The following FGF3 variants were observed in gnomAD, a reference collection of about 807,000 sequenced individuals.
FGF3 encodes the protein fibroblast growth factor 3, also known as FGF-3.
A neutral mutation model predicts 9.8 loss-of-function variants in FGF3; 7 were observed. The observed-to-expected ratio is 0.72, with a 90% CI of 0.41 to 1.35. The LOEUF is 1.35. Among genes scored for constraint, FGF3 ranks in the 40% most tolerant of loss-of-function variants. The pLI, the probability that FGF3 is intolerant of heterozygous loss-of-function variation, is 0.01. For synonymous variants in FGF3, 173 were observed against 157.2 expected (o/e 1.10, Z -0.75); for missense variants, 390 against 345.6 (o/e 1.13, Z -1.02).
chr11:69,815,398 A>G (rs548548514), intron 2 of FGF3, among the ~76,000 whole-genome samples: 21 of 152,214 alleles, frequency 1.4e-4, no homozygotes, highest in African/African-American at 4.6e-4. Context: ...TAGCCTCTGG[A>G]CCAGAGAAAA....
chr11:69,810,886 T>C lies in FGF3; in HGVS notation c.325-186A>G, dbSNP rs376487834. On this transcript the variant is annotated intron_variant, in intron 2 of 2. Coordinates refer to ENST00000334134, the MANE Select transcript of FGF3 (RefSeq NM_005247.4). The stretch of plus-strand genomic sequence containing the variant: ...TCTGCCCAGCATGTCCTTCCTCCCC[T>C]GTGTGCCTGGTGAACTTGGCCTTCT... Among the ~76,000 whole-genome samples, 214 of 152,376 alleles carry C rather than the reference T, an allele frequency of 1.4e-3. 1 individual carries two copies. Among genetic ancestry groups the C allele is most frequent in the Non-Finnish European group, 6.5e-4 (44 of 68,038 alleles).
At chr11:69,815,791 C>T (rs531889755) in intron 2 of FGF3, among the ~76,000 whole-genome samples, 1 of 152,272 alleles carries the variant, frequency 6.6e-6, no homozygotes, top group African/African-American at 2.4e-5. Context: ...GACTGGGTCC[C>T]AAGCCAGGGC....
chr11:69,810,750 G>T (rs782010967), intron 2 of FGF3, 50 bp from the exon 3 acceptor site: 1 of 1,479,074 alleles, frequency 6.8e-7, no homozygotes, highest in Non-Finnish European at 9.0e-7. Context: ...CTGTGGCAGC[G>T]TCAGGGCCCA....
Position 69,818,695 on chromosome 11 carries a change from C to T in FGF3, c.220+19G>A, listed in dbSNP as rs1856185269. On this transcript the variant is annotated intron_variant, in intron 1 of 2. Transcript: ENST00000334134. ...CCCGGCGCCGCTTCCCCCGGGGCCC[C>T]GCAGCGTCCGGCACTCACTGTAGGC... The T allele has an allele frequency of 6.9e-7, 1 of 1,459,758 alleles. No homozygotes were observed. Among genetic ancestry groups the T allele is most frequent in the Non-Finnish European group, 9.0e-7 (1 of 1,110,300 alleles). The allele number at this position is 1,459,758 out of a possible 1,614,324, so 90.4% of individuals were successfully genotyped here.
At chr11:69,816,513 G>C in intron 1 of FGF3, 90 bp from the exon 2 acceptor site, 1 of 971,196 alleles carries the variant, frequency 1.0e-6, no homozygotes, top group South Asian at 1.3e-5. Context: ...CACACCCCGG[G>C]CTCAGGGCTG....
At chr11:69,813,943 G>T (rs201810338) in intron 2 of FGF3, among the ~76,000 whole-genome samples, 6 of 134,516 alleles carry the variant, frequency 4.5e-5, no homozygotes, top group Admixed American at 1.5e-4. Context: ...TGGGTTGATG[G>T]GTGGATGGGT....
chr11:69,818,619 C>A (rs1856183121), intron 1 of FGF3, 95 bp downstream of exon 1: 1 of 934,134 alleles, frequency 1.1e-6, no homozygotes, highest in Admixed American at 4.3e-5. Flanking sequence ...CTCCCCGGCG[C>A]CGCCTCCCCC....
intron 2 of FGF3, among the ~76,000 whole-genome samples, chr11:69,811,105 G>A (rs1856023410): frequency 6.6e-6 from 1 of 152,184 alleles, no homozygotes; most frequent in Admixed American, 6.5e-5. Context: ...GGTCAGCAAG[G>A]ACTGGGCATT....
In FGF3 at chr11:69,818,656, C is replaced by T. The variant is rs548231449; in HGVS notation, c.220+58G>A. 23 of 1,326,518 alleles carry T rather than the reference C, an allele frequency of 1.7e-5. No individual in the cohort carries two copies. The South Asian group carries it at 3.7e-4, about 21-fold the overall frequency. 82.2% of individuals were successfully genotyped at this position (1,326,518 alleles called of 1,614,324 possible). A position where few individuals can be genotyped will look rare whatever the true frequency, so the allele number is the denominator to read the frequency against. On this transcript the variant is annotated intron_variant, in intron 1 of 2. Coordinates refer to ENST00000334134, the MANE Select transcript of FGF3 (RefSeq NM_005247.4). ...CGGGGCCCCGCAGCGCGCCTTCTCC[C>T]GGGCCCGACCCCTCCCGGCGCCGCT...
rs781819367 is a variant in FGF3, at chr11:69,810,414, T to G, written c.611A>C (p.Lys204Thr). ...LQSGLPRPPG[K>T]GVQPRRRRQK... ...CCGCCGCCGTCGGGGCTGGACCCCC[T>G]TACCAGGGGGTCTGGGCAGCCCACT... The change falls in exon 3 of 3, where the codon AAG (lysine) becomes ACG (threonine). Residue 204 changes from lysine to threonine, a missense_variant. Physicochemically the swap from Lys to Thr is moderately conservative, Grantham distance 78. Transcript: ENST00000334134. The G allele has an allele frequency of 6.4e-7, 1 of 1,572,974 alleles. No homozygotes were observed. The highest frequency in any genetic ancestry group is 1.1e-5 in the South Asian group (1 of 87,388).
chr11:69,810,478 G>C lies in FGF3; in HGVS notation c.547C>G (p.Leu183Val). ...QKSSLFLPRVLDHRDHEMVRQ... is the reference protein window; with the variant it reads ...QKSSLFLPRVVDHRDHEMVRQ... ...ACCATCTCGTGGTCCCTGTGGTCCAGCACGCGGGGCAGGAACAGGGAGGAC... is the reference window on the plus strand; with the variant it reads ...ACCATCTCGTGGTCCCTGTGGTCCACCACGCGGGGCAGGAACAGGGAGGAC... The change falls in exon 3 of 3, where the codon CTG becomes GTG. Residue 183 changes from leucine (L) to valine (V), a missense_variant. By Grantham distance (32) the Leu-to-Val change is conservative. Coordinates refer to ENST00000334134, the MANE Select transcript of FGF3 (RefSeq NM_005247.4). The C allele has an allele frequency of 6.2e-7, 1 of 1,606,380 alleles. No homozygotes were observed. Among genetic ancestry groups the C allele is most frequent in the Non-Finnish European group, 8.5e-7 (1 of 1,176,916 alleles).
intron 2 of FGF3, among the ~76,000 whole-genome samples, chr11:69,815,253 G>A (rs145879695): frequency 6.7e-6 from 1 of 150,070 alleles, no homozygotes; most frequent in Admixed American, 6.6e-5. Flanking sequence ...TGGGTGGATG[G>A]ATGGATGGAT....
chr11:69,811,450 C>CAA (rs33951596), intron 2 of FGF3, among the ~76,000 whole-genome samples: 195 of 97,340 alleles, frequency 2.0e-3, no homozygotes, highest in African/African-American at 6.2e-3. Context: ...AACTCTGACT[C>CAA]AAAAAAAAAA....
chr11:69,810,617 C>T lies in FGF3; in HGVS notation c.408G>A (p.Thr136=), dbSNP rs35420992. Residue 136 remains threonine, a synonymous_variant, in exon 3 of 3, where the codon ACG becomes ACA. Transcript: ENST00000334134. ...GGCGGGCCCCAGGCGTACTAGACAC[C>T]GTCCGGTACAGCCGGGAGGCATACG... The part of the protein sequence containing the change: ...YNTYASRLYR[T]VSSTPGARRQ... 152,698 of 1,606,998 alleles carry T rather than the reference C, an allele frequency of 0.095. 7,926 individuals carry two copies. Among genetic ancestry groups the T allele is most frequent in the Non-Finnish European group, 0.11 (124,569 of 1,175,750 alleles).
At chr11:69,815,598 C>T (rs909890388) in intron 2 of FGF3, among the ~76,000 whole-genome samples, 1 of 152,300 alleles carries the variant, frequency 6.6e-6, no homozygotes, top group Admixed American at 6.5e-5. Flanking sequence ...TGGAAAACCT[C>T]TCATTGCCCA....
At chr11:69,815,501 G>A (rs1326183168) in intron 2 of FGF3, among the ~76,000 whole-genome samples, 8 of 152,206 alleles carry the variant, frequency 5.3e-5, no homozygotes, top group African/African-American at 1.7e-4. Context: ...AGGGAGCTGC[G>A]GGATGTGTCC....
intron 2 of FGF3, among the ~76,000 whole-genome samples, chr11:69,811,822 G>GTC (rs1221747143): frequency 1.3e-5 from 2 of 152,200 alleles, no homozygotes; most frequent in Admixed American, 6.5e-5. Flanking sequence ...TGGGACCCTT[G>GTC]TCAGGCCCAG....
At chr11:69,811,462 A>G (rs1380621635) in intron 2 of FGF3, among the ~76,000 whole-genome samples, 1 of 148,692 alleles carries the variant, frequency 6.7e-6, no homozygotes, top group Non-Finnish European at 1.5e-5. Flanking sequence ...AAAAAAAAAA[A>G]AAAAAGAAAA....
chr11:69,812,486 A>G (rs1009953957), intron 2 of FGF3, among the ~76,000 whole-genome samples: 2 of 152,094 alleles, frequency 1.3e-5, no homozygotes, highest in East Asian at 3.9e-4. Flanking sequence ...CACAGTCTGG[A>G]TGTTACTATC....
Sources: allele counts gnomAD v4.1 joint callset (sites outside exome capture counted in the v4.1 genomes callset), GRCh38; gene constraint gnomAD v4.1.1; transcripts MANE v1.5; gene names NCBI Gene and HGNC (gene_info 2026-07-23, HGNC 2026-07-21).